The following CDC73 variants were observed in gnomAD, a reference collection of about 807,000 sequenced individuals.
CDC73 encodes parafibromin.
In CDC73, 21 loss-of-function variants were observed where a neutral mutation model predicts 83.7. That is an observed-to-expected ratio of 0.25 (90% CI 0.18 to 0.36). The LOEUF is 0.36. CDC73 is among the 10% of genes least tolerant of loss of function. The pLI is 1.00. For missense variants in CDC73, 342 were observed against 653.3 expected, an observed-to-expected ratio of 0.52 and a Z score of 5.19; for synonymous variants, 224 against 212.9, an observed-to-expected ratio of 1.05 and a Z score of -0.45.
In CDC73 at chr1:193,232,995, T is replaced by G; in HGVS notation, c.1157T>G (p.Phe386Cys). The change falls in exon 14 of 17, where the codon TTT becomes TGT. Residue 386 changes from phenylalanine to cysteine, a missense_variant and splice_region_variant. Physicochemically the swap from Phe to Cys is radical, Grantham distance 205 (BLOSUM62 -2). Around this residue, in one of 3 missense-constraint regions of CDC73, gnomAD observed 239 missense variants for 420.6 expected, o/e 0.57. Transcript: ENST00000367435. ...TTCTCATCTCTGTTTTTTCAAAGAT[T>G]TGTCCCATCAGATGAAAAGAAGAAA... ...NAKDLLQDLK[F>C]VPSDEKKKQG... 1 of 1,613,186 alleles carries G rather than the reference T, an allele frequency of 6.2e-7. No homozygotes were observed. Among genetic ancestry groups the G allele is most frequent in the Non-Finnish European group, 8.5e-7 (1 of 1,179,196 alleles).
chr1:193,147,322 T>C lies in CDC73; in HGVS notation c.730-545T>C, dbSNP rs562939272. 2.0e-4 allele frequency among the ~76,000 whole-genome samples: 31 copies of C among 152,190 alleles called. No homozygotes were observed. The South Asian group carries it at 6.2e-3, about 31-fold the overall frequency. On this transcript the variant is annotated intron_variant, in intron 7 of 16. Coordinates refer to ENST00000367435, the MANE Select transcript of CDC73 (RefSeq NM_024529.5). ...TAGATTTTAACTTGCTTTCTGGTTA[T>C]ATATTTGAACAGATGCAGAATATGA...
At chr1:193,140,279 A>G (rs1675882112) in intron 6 of CDC73, among the ~76,000 whole-genome samples, 1 of 152,174 alleles carries the variant, frequency 6.6e-6, no homozygotes, top group Non-Finnish European at 1.5e-5. Context: ...CTGGTTATTT[A>G]AAGGCTGGAG....
chr1:193,249,326 A>T lies in CDC73; in HGVS notation c.1418-404A>T, dbSNP rs560430093. ...GACATAATGCTATTGCACACGTAATATAGACTGTGATACAGTGTTAACGTA... is the reference window on the plus strand; with the variant it reads ...GACATAATGCTATTGCACACGTAATTTAGACTGTGATACAGTGTTAACGTA... On this transcript the variant is annotated intron_variant, in intron 15 of 16. Coordinates refer to ENST00000367435, the MANE Select transcript of CDC73 (RefSeq NM_024529.5). Among the ~76,000 whole-genome samples the T allele has an allele frequency of 2.6e-5, 4 of 152,204 alleles. No homozygotes were observed. In the East Asian group the frequency reaches 5.8e-4, roughly 22 times the overall value.
intron 13 of CDC73, among the ~76,000 whole-genome samples, chr1:193,230,565 C>T (rs748557909): frequency 7.2e-6 from 1 of 139,540 alleles, no homozygotes; most frequent in Non-Finnish European, 1.5e-5. Flanking sequence ...GCCTGAGATA[C>T]ATATGAAACA....
intron 10 of CDC73, 76 bp from the exon 11 acceptor site, chr1:193,203,719 A>G: frequency 8.6e-7 from 1 of 1,159,524 alleles, no homozygotes; most frequent in Non-Finnish European, 1.3e-6. Context: ...GAGATATGAG[A>G]TTTCTTTGGA....
At chr1:193,238,113 T>G (rs1350772005) in intron 15 of CDC73, among the ~76,000 whole-genome samples, 1 of 152,198 alleles carries the variant, frequency 6.6e-6, no homozygotes, top group African/African-American at 2.4e-5. Context: ...TTTGTTCAAA[T>G]TTAGTCTTCT....
chr1:193,166,625 A>G (rs917308741), intron 10 of CDC73, among the ~76,000 whole-genome samples: 1 of 151,932 alleles, frequency 6.6e-6, no homozygotes, highest in African/African-American at 2.4e-5. Context: ...GTAACAAGAG[A>G]TAAATCAAAT....
At chr1:193,226,511 G>GA (rs1230792185) in intron 13 of CDC73, among the ~76,000 whole-genome samples, 4 of 152,136 alleles carry the variant, frequency 2.6e-5, no homozygotes, top group African/African-American at 9.7e-5. Context: ...CAATTTTGCT[G>GA]AGAGTTTGAA....
intron 2 of CDC73, 72 bp downstream of exon 2, chr1:193,125,289 G>A (rs191980416): frequency 1.4e-4 from 135 of 978,982 alleles, no homozygotes; most frequent in Non-Finnish European, 1.5e-4. Context: ...GACAGGGTCT[G>A]GCCTTGTTGC....
intron 7 of CDC73, 55 bp downstream of exon 7, chr1:193,142,121 G>A (rs1373677838): frequency 3.6e-6 from 5 of 1,384,562 alleles, no homozygotes; most frequent in East Asian, 4.7e-5. Context: ...GAGAGAGTGC[G>A]TTTAATCTGT....
At chr1:193,239,605 ATT>A (rs936051492) in intron 15 of CDC73, among the ~76,000 whole-genome samples, 1 of 151,636 alleles carries the variant, frequency 6.6e-6, no homozygotes, top group Non-Finnish European at 1.5e-5. Context: ...GACATTTAAA[ATT>A]TTTTTTTGTT....
chr1:193,146,632 TCACCTCCTAAAGGCTC>T (rs1676005646), intron 7 of CDC73, among the ~76,000 whole-genome samples: 1 of 152,134 alleles, frequency 6.6e-6, no homozygotes, highest in Non-Finnish European at 1.5e-5. Flanking sequence ...ACCTACCTAA[TCACCTCCTAAAGGCTC>T]CACCTCCTAA....
In CDC73 at chr1:193,250,472, A is replaced by G. The variant is rs541891393; in HGVS notation, c.1560-204A>G. ...CTGTGAAACATATATTATTTTAGCT[A>G]GAAGCTCTTAGATTATATTACTTAA... On this transcript the variant is annotated intron_variant, in intron 16 of 16. Coordinates refer to ENST00000367435, the MANE Select transcript of CDC73 (RefSeq NM_024529.5). 6.6e-5 allele frequency among the ~76,000 whole-genome samples: 10 copies of G among 151,914 alleles called. No homozygotes were observed. The South Asian group carries it at 1.0e-3, about 16-fold the overall frequency.
At chr1:193,169,938 C>CCT in intron 10 of CDC73, among the ~76,000 whole-genome samples, 1 of 152,008 alleles carries the variant, frequency 6.6e-6, no homozygotes, top group Admixed American at 6.6e-5. Flanking sequence ...TTTTTCTGAT[C>CCT]CTCTCTCTCT....
intron 10 of CDC73, among the ~76,000 whole-genome samples, chr1:193,153,968 C>G (rs1025575230): frequency 2.6e-5 from 4 of 152,108 alleles, no homozygotes; most frequent in South Asian, 2.1e-4. Flanking sequence ...GCCAGTGTTG[C>G]TAGAGTTTGG....
rs548856672 is a variant in CDC73 at position 193,250,246 on chromosome 1, G to A, written c.1559+375G>A. Among the ~76,000 whole-genome samples, 6 of 151,806 alleles carry A rather than the reference G, an allele frequency of 4.0e-5. No homozygotes were observed. The South Asian group carries it at 6.2e-4, about 16-fold the overall frequency. ...ATGATTCTGGATTTATTTGTGTTAC[G>A]GATGGTTCACAAAAGGAAATGGTTT... On this transcript the variant is annotated intron_variant, in intron 16 of 16. Transcript: ENST00000367435.
intron 14 of CDC73, among the ~76,000 whole-genome samples, 189 bp from the exon 15 acceptor site, chr1:193,236,067 A>C (rs1020724860): frequency 1.3e-5 from 2 of 152,242 alleles, no homozygotes; most frequent in African/African-American, 4.8e-5. Context: ...AATCATTAAT[A>C]CATTCTAATG....
Position 193,254,354 on chromosome 1 carries a change from C to A in CDC73, c.*3642C>A, listed in dbSNP as rs1034946952. Among the ~76,000 whole-genome samples the A allele has an allele frequency of 1.3e-5, 2 of 151,938 alleles. No individual in the cohort carries two copies. ...CAACATGAAAATTTAATTACATTAG[C>A]CTTAATATTACTTGACTGAATTTCT... On this transcript the variant is annotated 3_prime_UTR_variant, in exon 17 of 17. Coordinates refer to ENST00000367435, the MANE Select transcript of CDC73 (RefSeq NM_024529.5).
intron 9 of CDC73, among the ~76,000 whole-genome samples, chr1:193,150,723 C>T (rs1458173186): frequency 1.3e-5 from 2 of 152,108 alleles, no homozygotes; most frequent in African/African-American, 2.4e-5. Flanking sequence ...TAGCTTATGT[C>T]GTAGTAACTT....
Sources: gnomAD v4.1 joint callset for allele counts (sites outside exome capture counted in the v4.1 genomes callset) on GRCh38, gnomAD v4.1.1 for gene constraint, gnomAD v4.1.1 regional missense constraint, MANE v1.5 for transcripts, NCBI Gene and HGNC (gene_info 2026-07-23, HGNC 2026-07-21) for gene names.